OR10G2: variants seen among roughly 807,000 people sequenced by gnomAD.
OR10G2 encodes olfactory receptor family 10 subfamily G member 2.
For missense variants in OR10G2, 396 were observed against 387.6 expected (o/e 1.02, Z -0.18); for synonymous variants, 147 against 164.2 (o/e 0.90, Z 0.80).
chr14:21,633,868 T>C lies in OR10G2; in HGVS notation c.*42A>G. On this transcript the variant is annotated 3_prime_UTR_variant, in exon 1 of 1. Coordinates refer to ENST00000542433, the MANE Select transcript of OR10G2 (RefSeq NM_001005466.2). ...CAGCAGTAGCTGAAGAGAGTGGCAG[T>C]GATAATGATGCAGATGTAGTTACTT... is the stretch of plus-strand genomic sequence containing the variant. 2.2e-6 allele frequency: 3 copies of C among 1,378,794 alleles called. No homozygotes were observed. The highest frequency in any genetic ancestry group is 3.0e-6 in the Non-Finnish European group (3 of 995,672). The allele number at this position is 1,378,794 out of a possible 1,614,324, so 85.4% of individuals were successfully genotyped here.
At position 21,634,068 on chromosome 14, in the gene OR10G2, G is replaced by A. The variant is rs945265263; in HGVS notation, c.775C>T (p.Pro259Ser). ...HLIVVTVYYV[P>S]CIFIYLRAGS... ...GCCCTAAGGTAGATGAAAATACAGGGGACATAGTAGACTGTGACCACGATT... is the reference window on the plus strand; with the variant it reads ...GCCCTAAGGTAGATGAAAATACAGGAGACATAGTAGACTGTGACCACGATT... The change falls in exon 1 of 1, where the codon CCC (proline) becomes TCC (serine). Residue 259 changes from proline (P) to serine (S), a missense_variant. Pro to Ser is a moderately conservative substitution (Grantham distance 74). Coordinates refer to ENST00000542433, the MANE Select transcript of OR10G2 (RefSeq NM_001005466.2). 2 of 1,613,974 alleles carry A rather than the reference G, an allele frequency of 1.2e-6. No homozygotes were observed. The highest frequency in any genetic ancestry group is 2.7e-5 in the African/African-American group (2 of 74,922).
At position 21,634,107 on chromosome 14, in the gene OR10G2, A is replaced by C. The variant is rs1441512410; in HGVS notation, c.736T>G (p.Cys246Gly). The part of the protein sequence containing the change: ...TDGRRRAFST[C>G]GSHLIVVTVY... Reference sequence around the variant, plus strand: ...GTGACCACGATTAGGTGGGAGCCACAGGTGGAGAAGGCCCGGCGCCTCCCA... The same window carrying C: ...GTGACCACGATTAGGTGGGAGCCACCGGTGGAGAAGGCCCGGCGCCTCCCA... The change falls in exon 1 of 1, where the codon TGT becomes GGT. Residue 246 changes from cysteine to glycine, a missense_variant. By Grantham distance (159) the Cys-to-Gly change is radical (BLOSUM62 -3). Coordinates refer to ENST00000542433, the MANE Select transcript of OR10G2 (RefSeq NM_001005466.2). The C allele has an allele frequency of 6.2e-7, 1 of 1,613,714 alleles. No individual in the cohort carries two copies. Among genetic ancestry groups the C allele is most frequent in the African/African-American group, 1.3e-5 (1 of 74,914 alleles).
At position 21,634,525 on chromosome 14, in the gene OR10G2, C is replaced by T. The variant is rs779032836; in HGVS notation, c.318G>A (p.Leu106=). 2 of 1,614,142 alleles carry T rather than the reference C, an allele frequency of 1.2e-6. No individual in the cohort carries two copies. The highest frequency in any genetic ancestry group is 3.3e-5 in the Admixed American group (2 of 60,018). Reference sequence around the variant, plus strand: ...TGCTGCCCAGGAAGTGAAAGAAATACAGTTGAGCCACACAGCCACCAAACG... The same window carrying T: ...TGCTGCCCAGGAAGTGAAAGAAATATAGTTGAGCCACACAGCCACCAAACG... ...AIPFGGCVAQ[L]YFFHFLGSTQ... The change falls in exon 1 of 1, where the codon CTG becomes CTA. Residue 106 remains leucine, a synonymous_variant. Transcript: ENST00000542433.
chr14:21,634,891 C>G lies in OR10G2; in HGVS notation c.-49G>C, dbSNP rs772266107. The G allele has an allele frequency of 2.8e-6, 4 of 1,407,042 alleles. No homozygotes were observed. In the South Asian group the frequency reaches 4.0e-5, roughly 14 times the overall value. The allele number at this position is 1,407,042 out of a possible 1,614,324, so 87.2% of individuals were successfully genotyped here. A position where few individuals can be genotyped will look rare whatever the true frequency, so the allele number is the denominator to read the frequency against. On this transcript the variant is annotated 5_prime_UTR_variant, in exon 1 of 1. Coordinates refer to ENST00000542433, the MANE Select transcript of OR10G2 (RefSeq NM_001005466.2). ...GAATGGTGACGTTTGACAAGAGAAA[C>G]ACAGCACAATGATGTTGTAAGTGAA...
Position 21,634,640 on chromosome 14 carries a change from A to T in OR10G2, c.203T>A (p.Leu68Gln), listed in dbSNP as rs1368926398. 6.2e-7 allele frequency: 1 copy of T among 1,614,200 alleles called. No individual in the cohort carries two copies. ...KLCARPMYILLGVLSFLDMWL... is the reference protein window; with the variant it reads ...KLCARPMYILQGVLSFLDMWL... The stretch of plus-strand genomic sequence containing the variant: ...CATGTCCAGGAATGAGAGCACTCCC[A>T]GAAGAATGTACATGGGGCGAGCACA... The change falls in exon 1 of 1, where the codon CTG becomes CAG. Residue 68 changes from leucine (L) to glutamine (Q), a missense_variant. Leu to Gln is a moderately radical substitution (Grantham distance 113). Transcript: ENST00000542433.
In OR10G2 at chr14:21,634,556, G is replaced by A. The variant is rs771791608; in HGVS notation, c.287C>T (p.Ala96Val). The A allele has an allele frequency of 3.7e-6, 6 of 1,614,150 alleles. No homozygotes were observed. The South Asian group carries it at 4.4e-5, about 12-fold the overall frequency. Residue 96 changes from alanine (A) to valine (V), a missense_variant, in exon 1 of 1, where the codon GCT becomes GTT. By Grantham distance (64) the Ala-to-Val change is moderately conservative. Coordinates refer to ENST00000542433, the MANE Select transcript of OR10G2 (RefSeq NM_001005466.2). ...LILDFTPSIK[A>V]IPFGGCVAQL... ...AGCCACACAGCCACCAAACGGGATA[G>A]CCTTGATGGAAGGAGTAAAATCCAA... is the stretch of plus-strand genomic sequence containing the variant.
At position 21,634,121 on chromosome 14, in the gene OR10G2, C is replaced by G; in HGVS notation, c.722G>C (p.Arg241Pro). 1 of 1,613,508 alleles carries G rather than the reference C, an allele frequency of 6.2e-7. No homozygotes were observed. The highest frequency in any genetic ancestry group is 8.5e-7 in the Non-Finnish European group (1 of 1,179,612). Residue 241 changes from arginine (R) to proline (P), a missense_variant, in exon 1 of 1, where the codon CGG becomes CCG. Transcript: ENST00000542433. ...GTGGGAGCCACAGGTGGAGAAGGCC[C>G]GGCGCCTCCCATCAGTGGTGCGTAT... Reference protein sequence around the residue: ...LKIRTTDGRRRAFSTCGSHLI... With the variant: ...LKIRTTDGRRPAFSTCGSHLI...
Position 21,634,096 on chromosome 14 carries a change from G to T in OR10G2, c.747C>A (p.His249Gln), listed in dbSNP as rs760916122. Residue 249 changes from histidine to glutamine, a missense_variant, in exon 1 of 1, where the codon CAC becomes CAA. Coordinates refer to ENST00000542433, the MANE Select transcript of OR10G2 (RefSeq NM_001005466.2). ...CATAGTAGACTGTGACCACGATTAG[G>T]TGGGAGCCACAGGTGGAGAAGGCCC... is the stretch of plus-strand genomic sequence containing the variant. ...RRRAFSTCGSHLIVVTVYYVP... is the reference protein window; with the variant it reads ...RRRAFSTCGSQLIVVTVYYVP... The T allele has an allele frequency of 8.1e-6, 13 of 1,613,908 alleles. No homozygotes were observed. Among genetic ancestry groups the T allele is most frequent in the Non-Finnish European group, 1.1e-5 (13 of 1,179,918 alleles).
chr14:21,634,014 C>T lies in OR10G2; in HGVS notation c.829G>A (p.Ala277Thr). Residue 277 changes from alanine to threonine, a missense_variant, in exon 1 of 1, where the codon GCG (alanine) becomes ACG (threonine). Physicochemically the swap from Ala to Thr is moderately conservative, Grantham distance 58. Coordinates refer to ENST00000542433, the MANE Select transcript of OR10G2 (RefSeq NM_001005466.2). ...GTGACAACAGTGTAAAACACAGCCGCTGCCCCATCCAGGGGGTCTTTGGAG... is the reference window on the plus strand; with the variant it reads ...GTGACAACAGTGTAAAACACAGCCGTTGCCCCATCCAGGGGGTCTTTGGAG... ...AGSKDPLDGAAAVFYTVVTPL... is the reference protein window; with the variant it reads ...AGSKDPLDGATAVFYTVVTPL... The T allele has an allele frequency of 6.2e-7, 1 of 1,614,162 alleles. No homozygotes were observed. Among genetic ancestry groups the T allele is most frequent in the Non-Finnish European group, 8.5e-7 (1 of 1,180,020 alleles).
chr14:21,634,720 G>A lies in OR10G2; in HGVS notation c.123C>T (p.Leu41=), dbSNP rs148062302. 1 of 1,614,172 alleles carries A rather than the reference G, an allele frequency of 6.2e-7. No individual in the cohort carries two copies. The highest frequency in any genetic ancestry group is 8.5e-7 in the Non-Finnish European group (1 of 1,180,014). The change falls in exon 1 of 1, where the codon CTC becomes CTT. Residue 41 remains leucine (L), a synonymous_variant. Transcript: ENST00000542433. ...LFLVFFIIYI[L]TQLGNLLILL... is the part of the protein sequence containing the mutation. ...GAATGAGCAGGTTCCCCAGCTGAGT[G>A]AGGATGTAAATGATGAAGAAGACCA...
Position 21,633,840 on chromosome 14 carries a change from A to G in OR10G2, c.*70T>C, listed in dbSNP as rs1878573096. 1.8e-6 allele frequency: 2 copies of G among 1,111,082 alleles called. No individual in the cohort carries two copies. Among genetic ancestry groups the G allele is most frequent in the Non-Finnish European group, 2.6e-6 (2 of 766,170 alleles). 68.8% of individuals were successfully genotyped at this position (1,111,082 alleles called of 1,614,324 possible). A position where few individuals can be genotyped will look rare whatever the true frequency, so the allele number is the denominator to read the frequency against. On this transcript the variant is annotated 3_prime_UTR_variant, in exon 1 of 1. Transcript: ENST00000542433. ...TAGCAGTTTATTGGGCATTTGTCACATGCAGCAGTAGCTGAAGAGAGTGGC... is the reference window on the plus strand; with the variant it reads ...TAGCAGTTTATTGGGCATTTGTCACGTGCAGCAGTAGCTGAAGAGAGTGGC...
rs375066277 is a variant in OR10G2, at chr14:21,633,937, A to T, written c.906T>A (p.Ser302=). ...AACCTGCTGTTATCCTCTTCAGGGC[A>T]GACTTCACTTCCTGGTTCCTCAGTG... ...IYTLRNQEVK[S]ALKRITAG The change falls in exon 1 of 1, where the codon TCT becomes TCA. Residue 302 remains serine, a synonymous_variant. Transcript: ENST00000542433. 1.2e-5 allele frequency: 20 copies of T among 1,609,766 alleles called. No individual in the cohort carries two copies. Among genetic ancestry groups the T allele is most frequent in the Non-Finnish European group, 2.5e-6 (3 of 1,178,490 alleles).
rs759669177 is a variant in OR10G2 at position 21,634,813 on chromosome 14, A to G, written c.30T>C (p.Asp10=). 2.6e-5 allele frequency: 42 copies of G among 1,612,344 alleles called. No individual in the cohort carries two copies. Among genetic ancestry groups the G allele is most frequent in the South Asian group, 1.7e-4 (15 of 90,776 alleles). The change falls in exon 1 of 1, where the codon GAT becomes GAC. Residue 10 remains aspartate (D), a synonymous_variant. Coordinates refer to ENST00000542433, the MANE Select transcript of OR10G2 (RefSeq NM_001005466.2). MGKTKNTSL[D]AVVTDFILLG... ...GAAGAATGAAATCTGTCACCACGGCATCCAGCGATGTGTTTTTGGTCTTTC... is the reference window on the plus strand; with the variant it reads ...GAAGAATGAAATCTGTCACCACGGCGTCCAGCGATGTGTTTTTGGTCTTTC...
At position 21,634,700 on chromosome 14, in the gene OR10G2, A is replaced by G; in HGVS notation, c.143T>C (p.Leu48Pro). 6.2e-7 allele frequency: 1 copy of G among 1,614,210 alleles called. No individual in the cohort carries two copies. The highest frequency in any genetic ancestry group is 8.5e-7 in the Non-Finnish European group (1 of 1,180,030). The change falls in exon 1 of 1, where the codon CTC becomes CCC. Residue 48 changes from leucine to proline, a missense_variant. Physicochemically the swap from Leu to Pro is moderately conservative, Grantham distance 98. Transcript: ENST00000542433. Reference sequence around the variant, plus strand: ...GTCAGCCCACATGGTGAGCAGAATGAGCAGGTTCCCCAGCTGAGTGAGGAT... The same window carrying G: ...GTCAGCCCACATGGTGAGCAGAATGGGCAGGTTCCCCAGCTGAGTGAGGAT... Reference protein sequence around the residue: ...IYILTQLGNLLILLTMWADPK... With the variant: ...IYILTQLGNLPILLTMWADPK...
At position 21,633,881 on chromosome 14, in the gene OR10G2, G is replaced by T; in HGVS notation, c.*29C>A. The T allele has an allele frequency of 1.3e-6, 2 of 1,486,070 alleles. No individual in the cohort carries two copies. The highest frequency in any genetic ancestry group is 1.8e-6 in the Non-Finnish European group (2 of 1,085,260). 92.1% of individuals were successfully genotyped at this position (1,486,070 alleles called of 1,614,324 possible). A position where few individuals can be genotyped will look rare whatever the true frequency, so the allele number is the denominator to read the frequency against. ...AGAGAGTGGCAGTGATAATGATGCA[G>T]ATGTAGTTACTTATTTTCATTCAGT... On this transcript the variant is annotated 3_prime_UTR_variant, in exon 1 of 1. Coordinates refer to ENST00000542433, the MANE Select transcript of OR10G2 (RefSeq NM_001005466.2).
rs1161836047 is a variant in OR10G2, at chr14:21,634,808, A to G, written c.35T>C (p.Val12Ala). The G allele has an allele frequency of 1.2e-6, 2 of 1,613,214 alleles. No homozygotes were observed. Among genetic ancestry groups the G allele is most frequent in the Non-Finnish European group, 1.7e-6 (2 of 1,179,728 alleles). Residue 12 changes from valine (V) to alanine (A), a missense_variant, in exon 1 of 1, where the codon GTG becomes GCG. Val to Ala is a moderately conservative substitution (Grantham distance 64). Coordinates refer to ENST00000542433, the MANE Select transcript of OR10G2 (RefSeq NM_001005466.2). ...ACCCAGAAGAATGAAATCTGTCACCACGGCATCCAGCGATGTGTTTTTGGT... is the reference window on the plus strand; with the variant it reads ...ACCCAGAAGAATGAAATCTGTCACCGCGGCATCCAGCGATGTGTTTTTGGT... ...GKTKNTSLDA[V>A]VTDFILLGLS... is the part of the protein sequence containing the mutation.
At position 21,634,324 on chromosome 14, in the gene OR10G2, G is replaced by A. The variant is rs1878610670; in HGVS notation, c.519C>T (p.Tyr173=). 6.2e-7 allele frequency: 1 copy of A among 1,614,246 alleles called. No homozygotes were observed. The highest frequency in any genetic ancestry group is 1.1e-5 in the South Asian group (1 of 91,090). ...IQATLTFRLP[Y]CGPNQVDYFI... The stretch of plus-strand genomic sequence containing the variant: ...AGTAATCCACCTGATTGGGCCCACA[G>A]TAGGGCAGGCGGAAGGTCAAGGTGG... Residue 173 remains tyrosine, a synonymous_variant, in exon 1 of 1, where the codon TAC becomes TAT. Transcript: ENST00000542433.
Position 21,633,883 on chromosome 14 carries a change from T to A in OR10G2, c.*27A>T, listed in dbSNP as rs760187384. The A allele has an allele frequency of 6.7e-7, 1 of 1,497,610 alleles. No homozygotes were observed. The highest frequency in any genetic ancestry group is 1.2e-5 in the South Asian group (1 of 80,202). 92.8% of individuals were successfully genotyped at this position (1,497,610 alleles called of 1,614,324 possible). A position where few individuals can be genotyped will look rare whatever the true frequency, so the allele number is the denominator to read the frequency against. On this transcript the variant is annotated 3_prime_UTR_variant, in exon 1 of 1. Transcript: ENST00000542433. ...AGAGTGGCAGTGATAATGATGCAGA[T>A]GTAGTTACTTATTTTCATTCAGTCC...
chr14:21,633,967 G>C lies in OR10G2; in HGVS notation c.876C>G (p.Ile292Met). The change falls in exon 1 of 1, where the codon ATC becomes ATG. Residue 292 changes from isoleucine to methionine, a missense_variant. Ile to Met is a conservative substitution (Grantham distance 10, BLOSUM62 1). Transcript: ENST00000542433. ...TVVTPLLNPL[I>M]YTLRNQEVKS... ...TCACTTCCTGGTTCCTCAGTGTATA[G>C]ATGAGGGGGTTCAGTAATGGAGTGA... 1 of 1,613,948 alleles carries C rather than the reference G, an allele frequency of 6.2e-7. No individual in the cohort carries two copies. The highest frequency in any genetic ancestry group is 8.5e-7 in the Non-Finnish European group (1 of 1,179,868).
Sources: allele counts gnomAD v4.1 joint callset, GRCh38; gene constraint gnomAD v4.1.1; transcripts MANE v1.5; gene names NCBI Gene and HGNC (gene_info 2026-07-23, HGNC 2026-07-21).